Variants in RPH3A observed in about 807,000 individuals in gnomAD.
The protein encoded by RPH3A is rabphilin-3A.
In RPH3A, 48 loss-of-function variants were observed where a neutral mutation model predicts 102.2. The ratio of observed to expected loss-of-function variants is 0.47; its 90% confidence interval spans 0.37 to 0.60. The LOEUF (loss-of-function observed/expected upper bound fraction) is 0.60. RPH3A is among the 20% of genes least tolerant of loss of function. The probability of loss-of-function intolerance (pLI) is 0.00; values close to 1 mark genes in which losing one functional copy is unlikely to be tolerated. For missense variants in RPH3A, 781 were observed against 910.1 expected (o/e 0.86, Z 1.83); for synonymous variants, 310 against 324.3 (o/e 0.96, Z 0.47).
intron 5 of RPH3A, among the ~76,000 whole-genome samples, chr12:112,864,478 T>G (rs1426457380): frequency 6.9e-6 from 1 of 145,686 alleles, no homozygotes; most frequent in African/African-American, 2.6e-5. Flanking sequence ...ATGGATACTA[T>G]AGGCAGGGAA....
At chr12:112,682,368 T>A (rs1485021841) in intron 1 of RPH3A, among the ~76,000 whole-genome samples, 1 of 151,060 alleles carries the variant, frequency 6.6e-6, no homozygotes, top group Non-Finnish European at 1.5e-5. Context: ...TTTTTTTTTT[T>A]TTTCTGTTCT....
Position 112,894,637 on chromosome 12 carries a change from C to T in RPH3A, c.1835C>T (p.Thr612Ile), listed in dbSNP as rs1241525079. 1.9e-6 allele frequency: 3 copies of T among 1,613,820 alleles called. No individual in the cohort carries two copies. Among genetic ancestry groups the T allele is most frequent in the Non-Finnish European group, 1.7e-6 (2 of 1,179,934 alleles). Residue 612 changes from threonine to isoleucine, a missense_variant, in exon 20 of 22, where the codon ACC becomes ATC. This residue lies in a region of RPH3A where 730 missense variants were observed against 810.0 expected (regional missense o/e 0.90). Coordinates refer to ENST00000389385, the MANE Select transcript of RPH3A (RefSeq NM_001143854.2). Reference protein sequence around the residue: ...AKHKTQIKKKTLNPEFNEEFF... With the variant: ...AKHKTQIKKKILNPEFNEEFF... ...CACAAGACTCAAATTAAAAAGAAAA[C>T]CTTGAATCCCGAATTCAATGAGGTA...
rs557413490 is a variant in RPH3A at position 112,624,381 on chromosome 12, C to A, written c.-140+49062C>A. Among the ~76,000 whole-genome samples the A allele has an allele frequency of 6.1e-3, 912 of 149,350 alleles. 6 individuals are homozygous for A. Among genetic ancestry groups the A allele is most frequent in the African/African-American group, 0.021 (868 of 40,406 alleles). ...AAAAATGATAAAGGGGATATCACCA[C>A]CGATCCCACAGAAATACAAACTACC... On this transcript the variant is annotated intron_variant, in intron 1 of 21. Transcript: ENST00000543106.
intron 1 of RPH3A, among the ~76,000 whole-genome samples, chr12:112,588,765 A>G (rs1290052016): frequency 6.6e-6 from 1 of 152,114 alleles, no homozygotes; most frequent in Non-Finnish European, 1.5e-5. Context: ...CTGTGGGTGT[A>G]GAACTGAACC....
rs1448907591 is a variant in RPH3A, at chr12:112,728,907, G to T, written c.-139-63236G>T. Among the ~76,000 whole-genome samples, 7 of 152,240 alleles carry T rather than the reference G, an allele frequency of 4.6e-5. No homozygotes were observed. In the South Asian group the frequency reaches 6.2e-4, roughly 14 times the overall value. On this transcript the variant is annotated intron_variant, in intron 1 of 21. Transcript: ENST00000543106. ...AATATTCATGTCTTTTCTGGGAATG[G>T]GCAGGGAACTTCCCAGAACCAGAGC...
intron 2 of RPH3A, among the ~76,000 whole-genome samples, chr12:112,827,667 T>C (rs1469139541): frequency 6.6e-6 from 1 of 151,994 alleles, no homozygotes; most frequent in Admixed American, 6.6e-5. Flanking sequence ...TTCTGATAGC[T>C]TGGATGTAGA....
At chr12:112,641,705 G>A (rs1185947181) in intron 1 of RPH3A, among the ~76,000 whole-genome samples, 1 of 152,078 alleles carries the variant, frequency 6.6e-6, no homozygotes, top group Non-Finnish European at 1.5e-5. Context: ...GCTGAAGGTT[G>A]GAATCTTAAT....
At chr12:112,712,983 C>CCTTT (rs1565857040) in intron 1 of RPH3A, among the ~76,000 whole-genome samples, 1 of 97,036 alleles carries the variant, frequency 1.0e-5, no homozygotes, top group Non-Finnish European at 2.2e-5. Context: ...CTTTCTTCTT[C>CCTTT]GTCGTCTTTG....
chr12:112,838,210 G>T (rs1369767817), intron 4 of RPH3A, among the ~76,000 whole-genome samples: 4 of 152,250 alleles, frequency 2.6e-5, no homozygotes, highest in African/African-American at 9.6e-5. Context: ...GGAGCACTAC[G>T]TGGAGGAGAC....
chr12:112,707,932 A>G (rs1015291842), intron 1 of RPH3A, among the ~76,000 whole-genome samples: 44 of 152,238 alleles, frequency 2.9e-4, no homozygotes, highest in African/African-American at 1.0e-3. Context: ...ACCTCCATGA[A>G]GAATTTGGAT....
chr12:112,858,531 GTC>G (rs960032033), intron 5 of RPH3A, among the ~76,000 whole-genome samples: 3 of 152,120 alleles, frequency 2.0e-5, no homozygotes, highest in African/African-American at 7.2e-5. Flanking sequence ...GACTGTTCCT[GTC>G]TCTCTCTTGT....
chr12:112,789,230 G>A (rs2041072111), upstream of RPH3A, among the ~76,000 whole-genome samples: 1 of 152,178 alleles, frequency 6.6e-6, no homozygotes. Flanking sequence ...TAGACCACAG[G>A]TCCTGGCATC....
At chr12:112,797,272 T>C (rs369916496) in intron 2 of RPH3A, among the ~76,000 whole-genome samples, 32 of 152,186 alleles carry the variant, frequency 2.1e-4, no homozygotes, top group African/African-American at 7.0e-4. Context: ...TCCAGCCTTA[T>C]TAGTCATTCA....
At chr12:112,617,810 C>T (rs1391217698) in intron 1 of RPH3A, 1 of 152,226 alleles carries the variant, frequency 6.6e-6, no homozygotes, top group Non-Finnish European at 1.5e-5. Context: ...AGTGATCCTC[C>T]TGCTTCAGCC....
chr12:112,618,832 C>A (rs1466926378), intron 1 of RPH3A, among the ~76,000 whole-genome samples: 1 of 152,170 alleles, frequency 6.6e-6, no homozygotes, highest in Non-Finnish European at 1.5e-5. Flanking sequence ...CTAAAAGAAA[C>A]CCATTAGCAG....
chr12:112,850,298 A>C (rs2042302727), intron 5 of RPH3A, among the ~76,000 whole-genome samples: 1 of 152,144 alleles, frequency 6.6e-6, no homozygotes, highest in Admixed American at 6.5e-5. Context: ...ATGCTTAATA[A>C]ATAATGGCAA....
At chr12:112,600,531 C>T (rs567206652) in intron 1 of RPH3A, among the ~76,000 whole-genome samples, 11 of 152,316 alleles carry the variant, frequency 7.2e-5, no homozygotes, top group Admixed American at 1.3e-4. Context: ...ACTGTTTCCT[C>T]AACCGTAAAA....
At chr12:112,765,796 T>C (rs1424809700) in intron 1 of RPH3A, among the ~76,000 whole-genome samples, 3 of 152,142 alleles carry the variant, frequency 2.0e-5, no homozygotes, top group Non-Finnish European at 4.4e-5. Context: ...TTAGTACCCA[T>C]TGATTGGGCA....
intron 4 of RPH3A, among the ~76,000 whole-genome samples, chr12:112,844,054 G>A (rs1466983498): frequency 1.3e-5 from 2 of 152,186 alleles, no homozygotes; most frequent in African/African-American, 2.4e-5. Context: ...AGGCATTCAA[G>A]CAAGGATGGA....
Sources: gnomAD v4.1 joint callset for allele counts (sites outside exome capture counted in the v4.1 genomes callset) on GRCh38, gnomAD v4.1.1 for gene constraint, gnomAD v4.1.1 regional missense constraint, MANE v1.5 for transcripts, NCBI Gene and HGNC (gene_info 2026-07-23, HGNC 2026-07-21) for gene names.